SMARCC2: variants seen among roughly 807,000 people sequenced by gnomAD.
The protein encoded by SMARCC2 is SWI/SNF related BAF chromatin remodeling complex subunit C2, also known as SWI/SNF complex subunit SMARCC2.
A neutral mutation model predicts 151.3 loss-of-function variants in SMARCC2; 15 were observed. The ratio of observed to expected loss-of-function variants is 0.10; its 90% confidence interval spans 0.07 to 0.15. The LOEUF is 0.15. SMARCC2 is among the 10% of genes least tolerant of loss of function. The pLI is 1.00. For missense variants in SMARCC2, 1,031 were observed against 1,599.7 expected (o/e 0.64, Z 6.06); for synonymous variants, 590 against 609.5 (o/e 0.97, Z 0.47).
rs1305013713 is a variant in SMARCC2 at position 56,180,963 on chromosome 12, A to C, written c.1081+14T>G. The C allele has an allele frequency of 9.3e-6, 15 of 1,606,948 alleles. No individual in the cohort carries two copies. Among genetic ancestry groups the C allele is most frequent in the Non-Finnish European group, 1.2e-5 (14 of 1,176,032 alleles). ...GAGTGGGGGTGGATCCCAGGAGCTC[A>C]GCCTGGCCTGTACCTGTTTTGGGAA... On this transcript the variant is annotated intron_variant, in intron 11 of 28. Coordinates refer to ENST00000550164, the MANE Select transcript of SMARCC2 (RefSeq NM_001330288.2).
chr12:56,174,052 T>G (rs981142920), intron 16 of SMARCC2, among the ~76,000 whole-genome samples: 2 of 152,018 alleles, frequency 1.3e-5, no homozygotes, highest in Non-Finnish European at 2.9e-5. Context: ...CAAGTCTACA[T>G]CTTCAGCCTG....
Position 56,178,544 on chromosome 12 carries a change from T to G in SMARCC2, c.1180-10A>C. 6.2e-7 allele frequency: 1 copy of G among 1,614,192 alleles called. No individual in the cohort carries two copies. Among genetic ancestry groups the G allele is most frequent in the African/African-American group, 1.3e-5 (1 of 75,060 alleles). ...TGTTCTCATCCTCATCCTACGAGTA[T>G]GGAGGCTGCTGGACACTCAGCATTC... On this transcript the variant is annotated splice_polypyrimidine_tract_variant and intron_variant, in intron 13 of 28. Coordinates refer to ENST00000550164, the MANE Select transcript of SMARCC2 (RefSeq NM_001330288.2).
chr12:56,181,955 C>T, intron 8 of SMARCC2, 49 bp downstream of exon 8: 1 of 1,586,734 alleles, frequency 6.3e-7, no homozygotes, highest in Non-Finnish European at 8.6e-7. Flanking sequence ...AAAGGGTAGA[C>T]TGTTCCTGGC....
At chr12:56,166,593 C>CT (rs543234598) in intron 26 of SMARCC2, among the ~76,000 whole-genome samples, 8,276 of 139,452 alleles carry the variant, frequency 0.059, 313 homozygotes, top group Non-Finnish European at 0.088. Flanking sequence ...TCTTTTTCTT[C>CT]TTTTTTTTTT....
chr12:56,170,118 T>G, intron 23 of SMARCC2, 26 bp downstream of exon 23: 1 of 1,602,482 alleles, frequency 6.2e-7, no homozygotes, highest in Non-Finnish European at 8.6e-7. Context: ...ACGCAGCCCC[T>G]GCAGCTTCCA....
chr12:56,163,672 G>C lies in SMARCC2; in HGVS notation c.*17C>G, dbSNP rs1257237782. 1 of 1,466,038 alleles carries C rather than the reference G, an allele frequency of 6.8e-7. No individual in the cohort carries two copies. Among genetic ancestry groups the C allele is most frequent in the Non-Finnish European group, 9.1e-7 (1 of 1,103,506 alleles). 90.8% of individuals were successfully genotyped at this position (1,466,038 alleles called of 1,614,324 possible). A position where few individuals can be genotyped will look rare whatever the true frequency, so the allele number is the denominator to read the frequency against. The stretch of plus-strand genomic sequence containing the variant: ...ATGTCCACAGGGGGTGAGGGGGAGA[G>C]ATGTCTGGCTGGCTCCTCACTGTGG... On this transcript the variant is annotated 3_prime_UTR_variant, in exon 29 of 29. Coordinates refer to ENST00000550164, the MANE Select transcript of SMARCC2 (RefSeq NM_001330288.2).
intron 14 of SMARCC2, 112 bp from the exon 15 acceptor site, chr12:56,178,205 A>T: frequency 9.9e-7 from 1 of 1,007,570 alleles, no homozygotes; most frequent in Non-Finnish European, 1.5e-6. Flanking sequence ...AAATTGCTGA[A>T]GTTAGAAGCT....
chr12:56,171,603 G>A lies in SMARCC2; in HGVS notation c.2185+76C>T. The A allele has an allele frequency of 6.6e-7, 1 of 1,511,196 alleles. No individual in the cohort carries two copies. The highest frequency in any genetic ancestry group is 2.1e-5 in the Admixed American group (1 of 46,642). 93.6% of individuals were successfully genotyped at this position (1,511,196 alleles called of 1,614,324 possible). On this transcript the variant is annotated intron_variant, in intron 21 of 28. Coordinates refer to ENST00000550164, the MANE Select transcript of SMARCC2 (RefSeq NM_001330288.2). This position sits in a 1 kb window ranked among gnomAD's most constrained non-coding sequence, Gnocchi z 4.2. ...AGGCCAGCAGGGCAGCCAAACTTGA[G>A]AGGATTCACAGTCTGAGTAACTAGC...
Position 56,184,186 on chromosome 12 carries a change from T to G in SMARCC2, c.551A>C (p.Asn184Thr). 1 of 1,613,100 alleles carries G rather than the reference T, an allele frequency of 6.2e-7. No homozygotes were observed. Among genetic ancestry groups the G allele is most frequent in the Admixed American group, 1.7e-5 (1 of 60,004 alleles). The change falls in exon 6 of 29, where the codon AAT becomes ACT. Residue 184 changes from asparagine to threonine, a missense_variant. By Grantham distance (65) the Asn-to-Thr change is moderately conservative. This residue lies in a region of SMARCC2 where 123 missense variants were observed against 190.4 expected (regional missense o/e 0.65). Transcript: ENST00000550164. The part of the protein sequence containing the change: ...ASHVVYPVPG[N>T]LEEEEWVRPV... ...AACCCAGGTCTCACCTTCTTCTAGA[T>G]TCCCCGGGACAGGATACACAACATG...
At chr12:56,167,924 C>G in intron 26 of SMARCC2, 136 bp downstream of exon 26, 1 of 990,596 alleles carries the variant, frequency 1.0e-6, no homozygotes, top group African/African-American at 2.1e-5. Context: ...AGGCTTTCCC[C>G]ACTGTTGCTT....
chr12:56,187,198 T>C lies in SMARCC2; in HGVS notation c.220A>G (p.Thr74Ala). ...ACTTCTGCACTCACCGGCAGTTTAG[T>C]GAGCGGTGCATTGCTGACATGTTTG... is the stretch of plus-strand genomic sequence containing the variant. Reference protein sequence around the residue: ...FGKHVSNAPLTKLPIKCFLDF... With the variant: ...FGKHVSNAPLAKLPIKCFLDF... Residue 74 changes from threonine (T) to alanine (A), a missense_variant, in exon 2 of 29, where the codon ACT becomes GCT. Physicochemically the swap from Thr to Ala is moderately conservative, Grantham distance 58. Transcript: ENST00000550164. 1.9e-6 allele frequency: 3 copies of C among 1,613,836 alleles called. No individual in the cohort carries two copies. Among genetic ancestry groups the C allele is most frequent in the Non-Finnish European group, 2.5e-6 (3 of 1,179,774 alleles).
chr12:56,168,004 C>A (rs1422631807), intron 26 of SMARCC2, 56 bp downstream of exon 26: 2 of 1,506,442 alleles, frequency 1.3e-6, no homozygotes, highest in Non-Finnish European at 1.8e-6. Context: ...ACACACGCCC[C>A]TCCGATTTTA....
intron 22 of SMARCC2, among the ~76,000 whole-genome samples, chr12:56,170,503 G>T (rs1873733971): frequency 6.6e-6 from 1 of 151,934 alleles, no homozygotes; most frequent in Admixed American, 6.6e-5. Context: ...ATGGCTCACT[G>T]CAGCCTTGAC....
At chr12:56,164,756 G>GA in intron 27 of SMARCC2, 25 bp from the exon 28 acceptor site, 1 of 1,542,990 alleles carries the variant, frequency 6.5e-7, no homozygotes, top group Non-Finnish European at 8.8e-7. Flanking sequence ...GAGAGATGGA[G>GA]AAAATTAGGT....
intron 15 of SMARCC2, among the ~76,000 whole-genome samples, chr12:56,176,335 G>A (rs964428729): frequency 3.3e-5 from 5 of 152,222 alleles, no homozygotes; most frequent in Non-Finnish European, 7.3e-5. Flanking sequence ...CCCCCAGAGA[G>A]GGGAAGCTGT....
At chr12:56,182,290 A>G (rs1238561465) in intron 7 of SMARCC2, among the ~76,000 whole-genome samples, 3 of 151,794 alleles carry the variant, frequency 2.0e-5, no homozygotes, top group African/African-American at 7.3e-5. Context: ...ACTACTCTTG[A>G]TACTTGTATA....
intron 26 of SMARCC2, among the ~76,000 whole-genome samples, chr12:56,166,795 G>A (rs1322613938): frequency 6.6e-6 from 1 of 152,056 alleles, no homozygotes; most frequent in Non-Finnish European, 1.5e-5. Flanking sequence ...TGGGCACGGT[G>A]GCTCATGCCT....
chr12:56,165,751 C>T (rs748086224), intron 26 of SMARCC2, 52 bp from the exon 27 acceptor site: 1 of 1,551,868 alleles, frequency 6.4e-7, no homozygotes, highest in Non-Finnish European at 8.8e-7. Flanking sequence ...ATCCCAAAGG[C>T]AAATGCCTCA....
At position 56,187,267 on chromosome 12, in the gene SMARCC2, T is replaced by C. The variant is rs1310073527; in HGVS notation, c.151A>G (p.Ser51Gly). The C allele has an allele frequency of 1.2e-6, 2 of 1,613,716 alleles. No individual in the cohort carries two copies. Among genetic ancestry groups the C allele is most frequent in the Non-Finnish European group, 1.7e-6 (2 of 1,179,760 alleles). The change falls in exon 2 of 29, where the codon AGC becomes GGC. Residue 51 changes from serine (S) to glycine (G), a missense_variant. Around this residue, in one of 12 missense-constraint regions of SMARCC2, gnomAD observed 14 missense variants for 45.4 expected, o/e 0.31. Coordinates refer to ENST00000550164, the MANE Select transcript of SMARCC2 (RefSeq NM_001330288.2). ...AEPPTNKSLS[S>G]LVVQLLQFQE... ...AATTGTAGCAACTGTACAACCAGGC[T>C]AGACAGGGACTTGTTGGTGGGTGGT...
Sources: allele counts gnomAD v4.1 joint callset (sites outside exome capture counted in the v4.1 genomes callset), GRCh38; gene constraint gnomAD v4.1.1; regional missense constraint gnomAD v4.1.1; non-coding constraint Gnocchi (gnomAD v3.1); transcripts MANE v1.5; gene names NCBI Gene and HGNC (gene_info 2026-07-23, HGNC 2026-07-21).